Variants in PAPOLG observed in about 807,000 individuals in gnomAD.
PAPOLG encodes the protein poly(A) polymerase gamma, also known as PAP-gamma.
In PAPOLG, 40 loss-of-function variants were observed where a neutral mutation model predicts 99.0. The observed-to-expected ratio is 0.40, with a 90% CI of 0.31 to 0.53. PAPOLG has a LOEUF of 0.53. Ranked by LOEUF, PAPOLG falls within the 20% of genes least tolerant of loss-of-function variation. The probability of loss-of-function intolerance (pLI) is 0.41; values close to 1 mark genes in which losing one functional copy is unlikely to be tolerated. For synonymous variants in PAPOLG, 310 were observed against 299.3 expected, an observed-to-expected ratio of 1.04 and a Z score of -0.37; for missense variants, 675 against 884.1, an observed-to-expected ratio of 0.76 and a Z score of 3.00.
rs749393431 is a variant in PAPOLG, at chr2:60,768,871, A to G, written c.419A>G (p.Asp140Gly). 1.3e-6 allele frequency: 2 copies of G among 1,595,082 alleles called. No individual in the cohort carries two copies. The highest frequency in any genetic ancestry group is 1.3e-5 in the African/African-American group (1 of 74,284). The change falls in exon 5 of 22, where the codon GAT becomes GGT. Residue 140 changes from aspartate to glycine, a missense_variant. Physicochemically the swap from Asp to Gly is moderately conservative, Grantham distance 94 (BLOSUM62 -1). Transcript: ENST00000238714. ...QSFFEKLKHQ[D>G]GIRNLRAVED... ...TTTTTTGAAAAATTGAAACATCAAG[A>G]TGGCATTAGAAACTTAAGAGTAAGT...
chr2:60,788,930 G>A (rs954075094), intron 15 of PAPOLG, among the ~76,000 whole-genome samples: 4 of 152,132 alleles, frequency 2.6e-5, no homozygotes, highest in Non-Finnish European at 5.9e-5. Flanking sequence ...GAAGGTCAAG[G>A]CTGCAGTGAG....
At chr2:60,782,030 T>G (rs2103801336) in intron 11 of PAPOLG, 25 bp downstream of exon 11, 1 of 1,609,144 alleles carries the variant, frequency 6.2e-7, no homozygotes, top group East Asian at 2.2e-5. Flanking sequence ...CTGTTGCCCT[T>G]TACATATTCC....
intron 11 of PAPOLG, among the ~76,000 whole-genome samples, chr2:60,782,272 C>T (rs1002813731): frequency 1.3e-5 from 2 of 151,982 alleles, no homozygotes; most frequent in African/African-American, 2.4e-5. Flanking sequence ...TTTTGTTACT[C>T]AAGAGTTTGG....
In PAPOLG at chr2:60,782,653, C is replaced by CTTTTTTTTTTT. The variant is rs747526129; in HGVS notation, c.1028-18_1028-8dup. The stretch of plus-strand genomic sequence containing the variant: ...GTCCCTTTTCAAAATCATTCTTCTT[C>CTTTTTTTTTTT]TTTTTTTTTTTTTTTTTTTTTTTTT... On this transcript the variant is annotated intron_variant, in intron 11 of 21. Transcript: ENST00000238714. 7.6e-5 allele frequency: 81 copies of CTTTTTTTTTTT among 1,065,912 alleles called. 1 individual carries two copies. The highest frequency in any genetic ancestry group is 2.9e-4 in the African/African-American group (11 of 37,746). 66.0% of individuals were successfully genotyped at this position (1,065,912 alleles called of 1,614,324 possible). A position where few individuals can be genotyped will look rare whatever the true frequency, so the allele number is the denominator to read the frequency against.
intron 21 of PAPOLG, among the ~76,000 whole-genome samples, chr2:60,796,527 TC>T (rs1377134933): frequency 2.0e-5 from 3 of 152,160 alleles, no homozygotes; most frequent in Non-Finnish European, 2.9e-5. Context: ...ATCAAAGTTA[TC>T]TAGCCTAAGT....
At chr2:60,786,418 A>G (rs10186916) in intron 13 of PAPOLG, among the ~76,000 whole-genome samples, 35,855 of 151,766 alleles carry the variant, frequency 0.24, 4,862 homozygotes, top group African/African-American at 0.36. Context: ...TTTAGTAAAG[A>G]CAGGGTTTCA....
intron 7 of PAPOLG, among the ~76,000 whole-genome samples, chr2:60,774,319 A>G (rs539838484): frequency 6.7e-6 from 1 of 149,592 alleles, no homozygotes; most frequent in South Asian, 2.1e-4. Flanking sequence ...AAAAAGTTTG[A>G]CCTCACAGAT....
intron 13 of PAPOLG, 39 bp downstream of exon 13, chr2:60,783,248 T>C: frequency 7.8e-7 from 1 of 1,283,542 alleles, no homozygotes; most frequent in Non-Finnish European, 1.1e-6. Context: ...TACTGTGTGG[T>C]GATAGTAACT....
At chr2:60,793,205 TA>T (rs779034834) in intron 17 of PAPOLG, among the ~76,000 whole-genome samples, 484 of 45,546 alleles carry the variant, frequency 0.011, 2 homozygotes, top group South Asian at 0.052. Flanking sequence ...ATACCATGTC[TA>T]AAAAAAAAAA....
chr2:60,793,614 A>G lies in PAPOLG; in HGVS notation c.1680-13A>G. The G allele has an allele frequency of 6.2e-7, 1 of 1,612,114 alleles. No homozygotes were observed. The highest frequency in any genetic ancestry group is 8.5e-7 in the Non-Finnish European group (1 of 1,179,176). On this transcript the variant is annotated splice_polypyrimidine_tract_variant and intron_variant, in intron 17 of 21. Transcript: ENST00000238714. ...TAAATCATTTATTGATGATAATTTA[A>G]CACTTTCATTAGGAATAGTGCTGAG...
chr2:60,776,683 C>A (rs776310194), intron 8 of PAPOLG, among the ~76,000 whole-genome samples: 6 of 152,126 alleles, frequency 3.9e-5, no homozygotes, highest in Non-Finnish European at 8.8e-5. Context: ...CTGCCTTGGC[C>A]TCCCAAAGTG....
rs1345847857 is a variant in PAPOLG at position 60,798,002 on chromosome 2, T to A, written c.*842T>A. On this transcript the variant is annotated 3_prime_UTR_variant, in exon 22 of 22. Coordinates refer to ENST00000238714, the MANE Select transcript of PAPOLG (RefSeq NM_022894.4). ...TTCTTGTTAGTTGACTGGTATTTTTTACTGAGGAGCAACTCATTCCAGCAT... is the reference window on the plus strand; with the variant it reads ...TTCTTGTTAGTTGACTGGTATTTTTAACTGAGGAGCAACTCATTCCAGCAT... 1 of 152,834 alleles carries A rather than the reference T, an allele frequency of 6.5e-6. No individual in the cohort carries two copies. Among genetic ancestry groups the A allele is most frequent in the Non-Finnish European group, 1.5e-5 (1 of 68,050 alleles). The allele number at this position is 152,834 out of a possible 1,614,324, so 9.5% of individuals were successfully genotyped here. A position where few individuals can be genotyped will look rare whatever the true frequency, so the allele number is the denominator to read the frequency against.
At position 60,780,795 on chromosome 2, in the gene PAPOLG, T is replaced by G; in HGVS notation, c.906+16T>G. On this transcript the variant is annotated intron_variant, in intron 10 of 21. Transcript: ENST00000238714. ...GGATCCTCGGGTATGTGATTTATTA[T>G]GGAGTTTCTTTAAAGCTTTTAAGGA... 1 of 1,581,352 alleles carries G rather than the reference T, an allele frequency of 6.3e-7. No individual in the cohort carries two copies. The highest frequency in any genetic ancestry group is 1.1e-5 in the South Asian group (1 of 90,390).
At chr2:60,770,431 T>A (rs762560210) in intron 5 of PAPOLG, 27 bp from the exon 6 acceptor site, 1 of 1,570,088 alleles carries the variant, frequency 6.4e-7, no homozygotes, top group East Asian at 2.3e-5. Context: ...TACACCTATG[T>A]GTTATAATTG....
chr2:60,779,602 C>A (rs1237020997), intron 8 of PAPOLG, 35 bp from the exon 9 acceptor site: 3 of 1,587,112 alleles, frequency 1.9e-6, no homozygotes, highest in Non-Finnish European at 2.6e-6. Flanking sequence ...GATAGTAGGT[C>A]CTAATAATAA....
chr2:60,768,395 C>T (rs1045578272), intron 3 of PAPOLG, 75 bp from the exon 4 acceptor site: 156 of 1,482,926 alleles, frequency 1.1e-4, no homozygotes, highest in Non-Finnish European at 1.4e-4. Context: ...AGCCACCATG[C>T]CCAGCCAACA....
intron 1 of PAPOLG, among the ~76,000 whole-genome samples, chr2:60,759,446 T>C (rs1427100719): frequency 6.6e-6 from 1 of 152,214 alleles, no homozygotes; most frequent in Non-Finnish European, 1.5e-5. Flanking sequence ...GCTAAGATGT[T>C]TGGAGGGTGG....
chr2:60,776,965 C>T (rs1671039441), intron 8 of PAPOLG, among the ~76,000 whole-genome samples: 1 of 152,214 alleles, frequency 6.6e-6, no homozygotes, highest in Non-Finnish European at 1.5e-5. Context: ...GCACTTGTTG[C>T]ACTTCTAGTT....
chr2:60,780,300 A>C (rs938315356), intron 9 of PAPOLG, among the ~76,000 whole-genome samples: 47 of 143,818 alleles, frequency 3.3e-4, no homozygotes, highest in African/African-American at 9.3e-4. Flanking sequence ...TTTTTAATTG[A>C]GACAGGGTCT....
Sources: gnomAD v4.1 joint callset for allele counts (sites outside exome capture counted in the v4.1 genomes callset) on GRCh38, gnomAD v4.1.1 for gene constraint, MANE v1.5 for transcripts, NCBI Gene and HGNC (gene_info 2026-07-23, HGNC 2026-07-21) for gene names.